SCFD2: variants seen among roughly 807,000 people sequenced by gnomAD.
SCFD2 encodes the protein sec1 family domain containing 2.
Under a neutral mutation model 58.9 loss-of-function variants are expected in SCFD2, and 54 were observed. The ratio of observed to expected loss-of-function variants is 0.92; its 90% CI spans 0.74 to 1.15. The LOEUF is 1.15. SCFD2 is among the 50% of genes most tolerant of loss of function. The pLI, the probability that SCFD2 is intolerant of heterozygous loss-of-function variation, is 0.00. For missense variants in SCFD2, 805 were observed against 836.6 expected (o/e 0.96, Z 0.47); for synonymous variants, 321 against 335.9 (o/e 0.96, Z 0.49).
At chr4:53,082,891 G>A (rs985060229) in intron 5 of SCFD2, among the ~76,000 whole-genome samples, 5 of 152,016 alleles carry the variant, frequency 3.3e-5, no homozygotes, top group African/African-American at 1.2e-4. Flanking sequence ...AGCTTTCATG[G>A]GCCTCCAGTT....
In SCFD2 at chr4:53,318,147, C is replaced by A. The variant is rs140672696; in HGVS notation, c.1008-4384G>T. On this transcript the variant is annotated intron_variant, in intron 2 of 8. Transcript: ENST00000401642. ...ATGCAAGCAATCTCCTTATATATGA[C>A]AAGTTGATGTAAATAATTTTTATTT... 3.9e-5 allele frequency among the ~76,000 whole-genome samples: 6 copies of A among 152,232 alleles called. No individual in the cohort carries two copies. The East Asian group carries it at 1.2e-3, about 29-fold the overall frequency.
chr4:53,327,898 A>T (rs540032293), intron 2 of SCFD2, among the ~76,000 whole-genome samples: 1 of 152,166 alleles, frequency 6.6e-6, no homozygotes, highest in Non-Finnish European at 1.5e-5. Flanking sequence ...TGGGAGGCCA[A>T]CGTGGGTGGA....
chr4:53,003,371 T>C (rs1721906204), intron 5 of SCFD2, among the ~76,000 whole-genome samples: 1 of 152,196 alleles, frequency 6.6e-6, no homozygotes, highest in Admixed American at 6.5e-5. Flanking sequence ...ACATATGAAG[T>C]AATAAAATTA....
At position 52,873,808 on chromosome 4, in the gene SCFD2, C is replaced by CA; in HGVS notation, c.*160dup. 1 of 433,714 alleles carries CA rather than the reference C, an allele frequency of 2.3e-6. No homozygotes were observed. The highest frequency in any genetic ancestry group is 2.1e-5 in the African/African-American group (1 of 48,150). The allele number at this position is 433,714 out of a possible 1,614,324, so 26.9% of individuals were successfully genotyped here. A position where few individuals can be genotyped will look rare whatever the true frequency, so the allele number is the denominator to read the frequency against. On this transcript the variant is annotated 3_prime_UTR_variant, in exon 9 of 9. Coordinates refer to ENST00000401642, the MANE Select transcript of SCFD2 (RefSeq NM_152540.4). ...TTTTTAAGAATCACAGCAATCCAAGCAAAGTACCTCACTGAGTAGGTATCA... is the reference window on the plus strand; with the variant it reads ...TTTTTAAGAATCACAGCAATCCAAGCAAAAGTACCTCACTGAGTAGGTATCA...
chr4:53,150,510 C>T (rs766264336), intron 4 of SCFD2, among the ~76,000 whole-genome samples: 1 of 152,112 alleles, frequency 6.6e-6, no homozygotes, highest in Non-Finnish European at 1.5e-5. Flanking sequence ...TAGAATGGAA[C>T]CTTGACAATA....
At chr4:53,086,091 C>G (rs987681985) in intron 5 of SCFD2, among the ~76,000 whole-genome samples, 2 of 152,104 alleles carry the variant, frequency 1.3e-5, no homozygotes, top group Non-Finnish European at 2.9e-5. Context: ...AACAAAGAGA[C>G]AACCTACAGA....
At chr4:53,064,556 A>G (rs559805311) in intron 5 of SCFD2, among the ~76,000 whole-genome samples, 1 of 152,262 alleles carries the variant, frequency 6.6e-6, no homozygotes, top group African/African-American at 2.4e-5. Flanking sequence ...AACTCTGAGG[A>G]CAATCCAAGT....
At chr4:52,929,341 C>A (rs1408945216) in intron 5 of SCFD2, among the ~76,000 whole-genome samples, 1 of 152,160 alleles carries the variant, frequency 6.6e-6, no homozygotes, top group Non-Finnish European at 1.5e-5. Context: ...CAGCTATTAT[C>A]TTAAAAATAT....
chr4:53,041,905 A>G (rs1463616453), intron 5 of SCFD2, among the ~76,000 whole-genome samples: 2 of 151,992 alleles, frequency 1.3e-5, no homozygotes, highest in Non-Finnish European at 2.9e-5. Context: ...TTATTTTTAT[A>G]TTCATCCTCT....
intron 4 of SCFD2, among the ~76,000 whole-genome samples, chr4:53,244,829 AAAT>A (rs1553890832): frequency 6.7e-6 from 1 of 150,348 alleles, no homozygotes; most frequent in Non-Finnish European, 1.5e-5. Context: ...TGAAAAAAAA[AAAT>A]AATAATAATA....
chr4:53,269,968 G>A (rs991235931), intron 4 of SCFD2, among the ~76,000 whole-genome samples: 1 of 152,182 alleles, frequency 6.6e-6, no homozygotes, highest in African/African-American at 2.4e-5. Context: ...GGAGGTTGCA[G>A]TGAACTGAGA....
intron 2 of SCFD2, among the ~76,000 whole-genome samples, chr4:53,338,544 G>C (rs1329979324): frequency 1.4e-5 from 2 of 146,832 alleles, no homozygotes. Flanking sequence ...TCATAAAAAA[G>C]ATGGAGGCCA....
intron 5 of SCFD2, among the ~76,000 whole-genome samples, chr4:52,953,554 G>C (rs1366051971): frequency 6.6e-6 from 1 of 152,222 alleles, no homozygotes; most frequent in Non-Finnish European, 1.5e-5. Flanking sequence ...GGGAGTCAAA[G>C]CATTTCTTTA....
chr4:53,319,103 T>C (rs560746003), intron 2 of SCFD2, among the ~76,000 whole-genome samples: 6 of 152,364 alleles, frequency 3.9e-5, no homozygotes, highest in South Asian at 2.1e-4. Context: ...TTTTCACTTT[T>C]CATGTTGGTT....
chr4:53,338,782 G>A (rs1473698925), intron 2 of SCFD2, among the ~76,000 whole-genome samples: 15 of 151,384 alleles, frequency 9.9e-5, no homozygotes, highest in Non-Finnish European at 1.9e-4. Flanking sequence ...GGGTTTCACC[G>A]TTTTAGCTGG....
chr4:53,265,086 G>A (rs1433167386), intron 4 of SCFD2, among the ~76,000 whole-genome samples: 3 of 152,118 alleles, frequency 2.0e-5, no homozygotes, highest in Non-Finnish European at 2.9e-5. Context: ...TTTAAACACA[G>A]CTGCTTCCTT....
chr4:53,283,102 T>C (rs564912418), intron 3 of SCFD2, among the ~76,000 whole-genome samples: 10 of 152,314 alleles, frequency 6.6e-5, no homozygotes, highest in Non-Finnish European at 1.3e-4. Context: ...TATATATCCA[T>C]GTACTCACCA....
chr4:53,159,417 C>A (rs773853521), intron 4 of SCFD2, among the ~76,000 whole-genome samples: 1 of 152,100 alleles, frequency 6.6e-6, no homozygotes, highest in Admixed American at 6.5e-5. Context: ...GCTTCCCAGT[C>A]AGAAGAAAGC....
At chr4:53,213,943 A>G (rs1232698477) in intron 4 of SCFD2, among the ~76,000 whole-genome samples, 2 of 152,010 alleles carry the variant, frequency 1.3e-5, no homozygotes, top group African/African-American at 2.4e-5. Context: ...GCTGAGAATG[A>G]TGGTTTCCAG....
Sources: allele counts gnomAD v4.1 joint callset (sites outside exome capture counted in the v4.1 genomes callset), GRCh38; gene constraint gnomAD v4.1.1; transcripts MANE v1.5; gene names NCBI Gene and HGNC (gene_info 2026-07-23, HGNC 2026-07-21).